The following SUMF1 variants were observed in gnomAD, a reference collection of about 807,000 sequenced individuals.
SUMF1 encodes the protein sulfatase modifying factor 1.
A neutral mutation model predicts 47.6 loss-of-function variants in SUMF1; 48 were observed. That is an observed-to-expected ratio of 1.01 (90% CI 0.80 to 1.28). The LOEUF (loss-of-function observed/expected upper bound fraction) is 1.28. Ranked by LOEUF, SUMF1 falls within the 50% of genes most tolerant of loss-of-function variation. The pLI is 0.00. For missense variants in SUMF1, 571 were observed against 485.4 expected, an observed-to-expected ratio of 1.18 and a Z score of -1.66; for synonymous variants, 230 against 192.1, an observed-to-expected ratio of 1.20 and a Z score of -1.63.
chr3:4,383,239 C>T (rs186094738), intron 7 of SUMF1, among the ~76,000 whole-genome samples: 53 of 152,156 alleles, frequency 3.5e-4, no homozygotes, highest in African/African-American at 1.1e-3. Flanking sequence ...ATTAGCCAGT[C>T]GTGGTGGTAC....
intron 8 of SUMF1, among the ~76,000 whole-genome samples, chr3:4,157,618 T>G (rs1251001689): frequency 6.6e-6 from 1 of 151,538 alleles, no homozygotes; most frequent in Non-Finnish European, 1.5e-5. Flanking sequence ...GGATTTCTTC[T>G]TCCCTGTGTT....
At chr3:4,179,270 A>G (rs1695039678) in intron 8 of SUMF1, among the ~76,000 whole-genome samples, 1 of 152,180 alleles carries the variant, frequency 6.6e-6, no homozygotes, top group Non-Finnish European at 1.5e-5. Flanking sequence ...GCATCACGCT[A>G]CCTGACTTCA....
intron 4 of SUMF1, among the ~76,000 whole-genome samples, chr3:4,419,663 A>T (rs1701826826): frequency 6.6e-6 from 1 of 152,186 alleles, no homozygotes; most frequent in Admixed American, 6.5e-5. Flanking sequence ...CTGGGCTTCC[A>T]CAGTGGCAAC....
intron 1 of SUMF1, among the ~76,000 whole-genome samples, chr3:4,458,064 T>A (rs1315106165): frequency 6.6e-6 from 1 of 152,128 alleles, no homozygotes; most frequent in African/African-American, 2.4e-5. Flanking sequence ...AATTTAAAAA[T>A]GGGCAAAGGA....
chr3:4,108,572 G>C (rs1312774470), intron 8 of SUMF1, among the ~76,000 whole-genome samples: 1 of 152,014 alleles, frequency 6.6e-6, no homozygotes, highest in African/African-American at 2.4e-5. Context: ...CTCTTTCTAG[G>C]TCTCTAAGGA....
At chr3:4,125,213 A>AAAAAT (rs1258030325) in intron 8 of SUMF1, among the ~76,000 whole-genome samples, 1 of 152,156 alleles carries the variant, frequency 6.6e-6, no homozygotes, top group Non-Finnish European at 1.5e-5. Flanking sequence ...TAAAATAATT[A>AAAAAT]AAAATAAAAT....
At chr3:4,418,979 T>C (rs954684284) in intron 4 of SUMF1, among the ~76,000 whole-genome samples, 11 of 152,156 alleles carry the variant, frequency 7.2e-5, no homozygotes, top group African/African-American at 2.7e-4. Flanking sequence ...TTCCCCACAG[T>C]AATTACACCA....
In SUMF1 at chr3:4,467,263, G is replaced by A. The variant is rs928763205; in HGVS notation, c.-18C>T. The A allele has an allele frequency of 1.2e-6, 2 of 1,603,758 alleles. No homozygotes were observed. Among genetic ancestry groups the A allele is most frequent in the South Asian group, 2.2e-5 (2 of 89,062 alleles). On this transcript the variant is annotated 5_prime_UTR_variant, in exon 1 of 9. Transcript: ENST00000272902. Reference sequence around the variant, plus strand: ...GCAGCCATGTTGTCCCGCGGGCCATGTGACCCGGTTGGTCACGTGGCTGAG... The same window carrying A: ...GCAGCCATGTTGTCCCGCGGGCCATATGACCCGGTTGGTCACGTGGCTGAG...
At chr3:4,448,587 G>C (rs1348974923) in intron 3 of SUMF1, among the ~76,000 whole-genome samples, 1 of 152,136 alleles carries the variant, frequency 6.6e-6, no homozygotes, top group African/African-American at 2.4e-5. Flanking sequence ...AGACATGTAA[G>C]CAAGCAAATA....
intron 8 of SUMF1, among the ~76,000 whole-genome samples, chr3:4,264,449 G>A (rs1444744619): frequency 1.3e-5 from 2 of 152,190 alleles, no homozygotes; most frequent in Non-Finnish European, 2.9e-5. Flanking sequence ...GGAGGTTGGA[G>A]TGATGAACAT....
chr3:4,263,212 T>C (rs963953439), intron 8 of SUMF1, among the ~76,000 whole-genome samples: 3 of 152,182 alleles, frequency 2.0e-5, no homozygotes, highest in Non-Finnish European at 2.9e-5. Flanking sequence ...TCTCCATGTG[T>C]ATAATCTCAT....
chr3:4,045,923 T>G (rs1176208746), intron 9 of SUMF1, among the ~76,000 whole-genome samples: 1 of 152,174 alleles, frequency 6.6e-6, no homozygotes, highest in Non-Finnish European at 1.5e-5. Context: ...CACTGGCTTA[T>G]GCCTATAATT....
At chr3:4,424,632 T>C (rs781278898) in intron 3 of SUMF1, among the ~76,000 whole-genome samples, 15 of 152,072 alleles carry the variant, frequency 9.9e-5, no homozygotes, top group Non-Finnish European at 1.8e-4. Context: ...TTGGTGTCCA[T>C]GAAAAAAGGA....
intron 8 of SUMF1, among the ~76,000 whole-genome samples, chr3:4,367,612 A>G (rs1296851226): frequency 6.6e-6 from 1 of 152,134 alleles, no homozygotes; most frequent in African/African-American, 2.4e-5. Context: ...TAACCAAAAC[A>G]ACATGGTACT....
At chr3:4,199,337 G>A (rs1262443409) in intron 8 of SUMF1, among the ~76,000 whole-genome samples, 2 of 152,096 alleles carry the variant, frequency 1.3e-5, no homozygotes, top group Admixed American at 6.6e-5. Flanking sequence ...ATTGCTGAAT[G>A]GTATTCCATT....
chr3:4,192,487 A>C (rs187943670), intron 8 of SUMF1, among the ~76,000 whole-genome samples: 1 of 152,186 alleles, frequency 6.6e-6, no homozygotes, highest in African/African-American at 2.4e-5. Context: ...AAACATACAT[A>C]AATCCTCTAC....
chr3:4,448,167 T>G (rs1290527661), intron 3 of SUMF1, among the ~76,000 whole-genome samples: 1 of 152,198 alleles, frequency 6.6e-6, no homozygotes, highest in Non-Finnish European at 1.5e-5. Context: ...CTAAAACACA[T>G]ATTAAAAAGT....
intron 7 of SUMF1, among the ~76,000 whole-genome samples, chr3:4,388,817 G>A (rs1361204502): frequency 6.6e-6 from 1 of 152,042 alleles, no homozygotes; most frequent in Non-Finnish European, 1.5e-5. Context: ...AGTCATAAAT[G>A]TATCAGTCTA....
chr3:4,380,624 A>T, intron 7 of SUMF1, among the ~76,000 whole-genome samples: 1 of 152,212 alleles, frequency 6.6e-6, no homozygotes, highest in South Asian at 2.1e-4. Context: ...CATATGGAAC[A>T]TAGGGACTCC....
Sources: allele counts gnomAD v4.1 joint callset (sites outside exome capture counted in the v4.1 genomes callset), GRCh38; gene constraint gnomAD v4.1.1; transcripts MANE v1.5; gene names NCBI Gene and HGNC (gene_info 2026-07-23, HGNC 2026-07-21).